Variants in TUSC3 observed in about 807,000 individuals in gnomAD.
The protein encoded by TUSC3 is dolichyl-diphosphooligosaccharide--protein glycosyltransferase subunit TUSC3.
In TUSC3, 45 loss-of-function variants were observed where a neutral mutation model predicts 44.8. The ratio of observed to expected loss-of-function variants is 1.00; its 90% CI spans 0.79 to 1.29. TUSC3 has a LOEUF of 1.29. Ranked by LOEUF, TUSC3 falls within the 50% of genes most tolerant of loss-of-function variation. The pLI, the probability that TUSC3 is intolerant of heterozygous loss-of-function variation, is 0.00. For missense variants in TUSC3, 519 were observed against 437.9 expected (o/e 1.19, Z -1.65); for synonymous variants, 212 against 152.9 (o/e 1.39, Z -2.85).
intron 1 of TUSC3, among the ~76,000 whole-genome samples, chr8:15,618,199 C>G (rs1222249544): frequency 1.3e-5 from 2 of 152,174 alleles, no homozygotes; most frequent in African/African-American, 4.8e-5. Context: ...CTGTACACTA[C>G]TGTAGACTCT....
intron 1 of TUSC3, among the ~76,000 whole-genome samples, chr8:15,426,279 C>T (rs1329837095): frequency 1.3e-5 from 2 of 152,266 alleles, no homozygotes; most frequent in East Asian, 3.9e-4. Context: ...AATCTACCCT[C>T]TTAACAAATT....
intron 2 of TUSC3, among the ~76,000 whole-genome samples, chr8:15,634,874 G>T (rs1206837696): frequency 6.6e-6 from 1 of 152,134 alleles, no homozygotes; most frequent in African/African-American, 2.4e-5. Context: ...AGATATAAGG[G>T]CATTTCAATG....
intron 1 of TUSC3, among the ~76,000 whole-genome samples, chr8:15,470,073 T>C (rs139378942): frequency 1.3e-5 from 2 of 149,216 alleles, no homozygotes; most frequent in African/African-American, 2.5e-5. Context: ...CTGGGAAACA[T>C]AGGAAAACCT....
chr8:15,694,445 A>T (rs1469214922), intron 6 of TUSC3, among the ~76,000 whole-genome samples: 1 of 149,594 alleles, frequency 6.7e-6, no homozygotes, highest in Non-Finnish European at 1.5e-5. Flanking sequence ...CAAAAAAAAA[A>T]AAAAAAAAAA....
chr8:15,483,317 T>G (rs553883661), intron 1 of TUSC3: 11 of 220,672 alleles, frequency 5.0e-5, no homozygotes, highest in Non-Finnish European at 1.0e-4. Flanking sequence ...AAGCACTGTT[T>G]TTGTTGTTGT....
intron 6 of TUSC3, among the ~76,000 whole-genome samples, chr8:15,717,529 T>TTA (rs1810103176): frequency 6.6e-6 from 1 of 152,124 alleles, no homozygotes; most frequent in African/African-American, 2.4e-5. Context: ...CCATCCTCTA[T>TTA]TAATTTCCTT....
intron 1 of TUSC3, among the ~76,000 whole-genome samples, chr8:15,618,725 G>A (rs896456377): frequency 1.4e-4 from 21 of 152,110 alleles, no homozygotes; most frequent in Admixed American, 3.9e-4. Flanking sequence ...GTTGTTTATC[G>A]TTATCAAGTA....
intron 1 of TUSC3, among the ~76,000 whole-genome samples, chr8:15,554,163 A>AGC (rs35585646): frequency 6.6e-6 from 1 of 151,334 alleles, no homozygotes; most frequent in Admixed American, 6.6e-5. Flanking sequence ...ATCTCTTCAA[A>AGC]CCCCACCTTC....
the TUSC3 span, among the ~76,000 whole-genome samples, chr8:15,796,683 GA>G: frequency 6.6e-6 from 1 of 152,194 alleles, no homozygotes; most frequent in Non-Finnish European, 1.5e-5. Context: ...AGCCTCAGGT[GA>G]CAGAAAGGGA....
chr8:15,502,124 G>T (rs1295606076), intron 2 of TUSC3, among the ~76,000 whole-genome samples: 1 of 152,146 alleles, frequency 6.6e-6, no homozygotes, highest in East Asian at 1.9e-4. Flanking sequence ...AAGCAGCAGA[G>T]TTTAAATTGT....
intron 1 of TUSC3, among the ~76,000 whole-genome samples, chr8:15,591,537 G>T (rs1803838773): frequency 6.6e-6 from 1 of 152,204 alleles, no homozygotes; most frequent in Admixed American, 6.5e-5. Context: ...GAAGACAGAA[G>T]TATCAAGCGA....
the TUSC3 span, among the ~76,000 whole-genome samples, chr8:15,847,050 G>C: frequency 1.3e-5 from 2 of 152,074 alleles, no homozygotes; most frequent in Admixed American, 6.6e-5. Context: ...GTCCATAACA[G>C]CACAGAATAG....
chr8:15,804,154 A>T, the TUSC3 span, among the ~76,000 whole-genome samples: 1 of 152,162 alleles, frequency 6.6e-6, no homozygotes, highest in Admixed American at 6.5e-5. Flanking sequence ...GAACTAATTT[A>T]TACTCCCACC....
chr8:15,511,325 A>C (rs1280759720), intron 2 of TUSC3, among the ~76,000 whole-genome samples: 1 of 152,096 alleles, frequency 6.6e-6, no homozygotes, highest in Non-Finnish European at 1.5e-5. Flanking sequence ...GAATAGAAGA[A>C]AGAGAAAGCA....
At chr8:15,626,809 G>A (rs1425320757) in intron 2 of TUSC3, among the ~76,000 whole-genome samples, 5 of 152,208 alleles carry the variant, frequency 3.3e-5, no homozygotes, top group Admixed American at 1.3e-4. Flanking sequence ...CGGCATAAAC[G>A]AGCATGGGAG....
At chr8:15,817,786 C>T in the TUSC3 span, among the ~76,000 whole-genome samples, 1 of 152,156 alleles carries the variant, frequency 6.6e-6, no homozygotes, top group South Asian at 2.1e-4. Context: ...TGACAGCAGA[C>T]TAATACACAA....
intron 1 of TUSC3, among the ~76,000 whole-genome samples, chr8:15,430,693 C>T (rs1031506536): frequency 6.6e-6 from 1 of 151,602 alleles, no homozygotes; most frequent in Non-Finnish European, 1.5e-5. Flanking sequence ...CAAATTGTCC[C>T]TGTTTGCAGA....
At chr8:15,704,825 G>A (rs768865895) in intron 6 of TUSC3, among the ~76,000 whole-genome samples, 12 of 151,670 alleles carry the variant, frequency 7.9e-5, no homozygotes, top group Non-Finnish European at 1.6e-4. Context: ...TACTTCTTAC[G>A]TTTGATTTTT....
At position 15,644,093 on chromosome 8, in the gene TUSC3, G is replaced by A. The variant is rs73526679; in HGVS notation, c.309-6604G>A. On this transcript the variant is annotated intron_variant, in intron 2 of 10. Coordinates refer to ENST00000503731, the MANE Select transcript of TUSC3 (RefSeq NM_006765.4). ...TCATGGGAAATAAATATGTAGAACT[G>A]TAGATGATATAATTCTTTTTAGTTT... Among the ~76,000 whole-genome samples the A allele has an allele frequency of 9.1e-3, 1,392 of 152,238 alleles. 17 individuals carry two copies. Among genetic ancestry groups the A allele is most frequent in the African/African-American group, 0.032 (1,316 of 41,542 alleles).
Sources: gnomAD v4.1 joint callset for allele counts (sites outside exome capture counted in the v4.1 genomes callset) on GRCh38, gnomAD v4.1.1 for gene constraint, MANE v1.5 for transcripts, NCBI Gene and HGNC (gene_info 2026-07-23, HGNC 2026-07-21) for gene names.